FHIT: variants seen among roughly 807,000 people sequenced by gnomAD.
FHIT encodes fragile histidine triad diadenosine triphosphatase, also known as bis(5'-adenosyl)-triphosphatase.
Under a neutral mutation model 17.9 loss-of-function variants are expected in FHIT, and 19 were observed. That is an observed-to-expected ratio of 1.06 (90% CI 0.74 to 1.56). FHIT has a LOEUF of 1.56. Among genes scored for constraint, FHIT ranks in the 40% most tolerant of loss-of-function variants. FHIT has a pLI of 0.00. For missense variants in FHIT, 248 were observed against 189.2 expected, an observed-to-expected ratio of 1.31 and a Z score of -1.82; for synonymous variants, 81 against 69.7, an observed-to-expected ratio of 1.16 and a Z score of -0.81.
At chr3:60,199,879 T>C (rs959282952) in intron 5 of FHIT, among the ~76,000 whole-genome samples, 1 of 152,110 alleles carries the variant, frequency 6.6e-6, no homozygotes, top group East Asian at 1.9e-4. Flanking sequence ...GTGTCAAACA[T>C]AGGGGACTAA....
rs1049402538 is a variant in FHIT at position 60,927,247 on chromosome 3, C to T, written c.-110-105236G>A. On this transcript the variant is annotated intron_variant, in intron 3 of 9. Transcript: ENST00000492590. Reference sequence around the variant, plus strand: ...AGCTCCTGACCTCCAGTGATCTGCCCGCCTCGGCCTCCCGAGGTGCCGGGA... The same window carrying T: ...AGCTCCTGACCTCCAGTGATCTGCCTGCCTCGGCCTCCCGAGGTGCCGGGA... Among the ~76,000 whole-genome samples, 4 of 152,188 alleles carry T rather than the reference C, an allele frequency of 2.6e-5. No individual in the cohort carries two copies. The South Asian group carries it at 8.3e-4, about 32-fold the overall frequency.
At chr3:60,837,676 G>A (rs1483529872) in intron 3 of FHIT, among the ~76,000 whole-genome samples, 1 of 151,782 alleles carries the variant, frequency 6.6e-6, no homozygotes, top group East Asian at 1.9e-4. Flanking sequence ...TTCTCTTTGT[G>A]GTTTTCTGTT....
chr3:60,341,523 C>T (rs189078187), intron 5 of FHIT, among the ~76,000 whole-genome samples: 207 of 152,108 alleles, frequency 1.4e-3, no homozygotes, highest in Non-Finnish European at 2.5e-3. Context: ...CTTTTTACTG[C>T]GTTCTAAGCT....
At chr3:59,936,898 C>T (rs926005660) in intron 7 of FHIT, among the ~76,000 whole-genome samples, 1 of 152,176 alleles carries the variant, frequency 6.6e-6, no homozygotes, top group African/African-American at 2.4e-5. Flanking sequence ...CCATGAAGGA[C>T]AAGCTTGTGC....
chr3:60,136,695 T>C (rs1001057599), intron 5 of FHIT, among the ~76,000 whole-genome samples: 1 of 152,176 alleles, frequency 6.6e-6, no homozygotes, highest in African/African-American at 2.4e-5. Flanking sequence ...CCCGCAGATG[T>C]AACATGCAGT....
intron 8 of FHIT, among the ~76,000 whole-genome samples, chr3:59,908,680 T>G (rs546146831): frequency 6.6e-6 from 1 of 151,782 alleles, no homozygotes; most frequent in Non-Finnish European, 1.5e-5. Flanking sequence ...GAATACAGAA[T>G]CTGAATTGAG....
intron 5 of FHIT, among the ~76,000 whole-genome samples, chr3:60,455,917 G>A (rs981004740): frequency 6.6e-6 from 1 of 152,142 alleles, no homozygotes; most frequent in Non-Finnish European, 1.5e-5. Flanking sequence ...AGAAAAATAT[G>A]TTCACCAAAT....
chr3:60,600,786 A>G (rs1473768898), intron 4 of FHIT, among the ~76,000 whole-genome samples: 2 of 152,194 alleles, frequency 1.3e-5, no homozygotes, highest in African/African-American at 2.4e-5. Context: ...AAGCTCCTAC[A>G]TGTCCTTTTG....
At chr3:60,363,054 T>G (rs182366788) in intron 5 of FHIT, among the ~76,000 whole-genome samples, 1 of 152,100 alleles carries the variant, frequency 6.6e-6, no homozygotes, top group African/African-American at 2.4e-5. Flanking sequence ...TTATAGGAGC[T>G]GAATGAGAGA....
At chr3:61,098,574 T>A (rs889545084) in intron 2 of FHIT, among the ~76,000 whole-genome samples, 1 of 152,260 alleles carries the variant, frequency 6.6e-6, no homozygotes, top group African/African-American at 2.4e-5. Flanking sequence ...TTATTCTTCC[T>A]ATCCATGAGC....
chr3:59,860,426 G>A (rs1432422240), intron 8 of FHIT, among the ~76,000 whole-genome samples: 2 of 152,180 alleles, frequency 1.3e-5, no homozygotes, highest in African/African-American at 4.8e-5. Context: ...AGTTGCCATA[G>A]GGAATGGAAC....
intron 5 of FHIT, among the ~76,000 whole-genome samples, chr3:60,244,679 G>A (rs1705302622): frequency 6.6e-6 from 1 of 152,068 alleles, no homozygotes; most frequent in African/African-American, 2.4e-5. Context: ...GTTCTGAATT[G>A]TGCTCAACAG....
rs11317328 is a variant in FHIT, at chr3:60,094,438, G to GA, written c.104-80287dup. 3.8e-3 allele frequency among the ~76,000 whole-genome samples: 561 copies of GA among 149,390 alleles called. 3 individuals carry two copies. Among genetic ancestry groups the GA allele is most frequent in the African/African-American group, 0.013 (518 of 40,930 alleles). ...CCGGCACCTATTTTTGTATCACCTG[G>GA]AAAAAAAAAATGCCCACATAGGCAA... On this transcript the variant is annotated intron_variant, in intron 5 of 9. Coordinates refer to ENST00000492590, the MANE Select transcript of FHIT (RefSeq NM_002012.4).
chr3:60,335,554 T>C (rs2106873471), intron 5 of FHIT, among the ~76,000 whole-genome samples: 2 of 152,180 alleles, frequency 1.3e-5, no homozygotes, highest in East Asian at 3.9e-4. Context: ...ATCTACAGTG[T>C]ATGCGGTTCA....
intron 4 of FHIT, among the ~76,000 whole-genome samples, chr3:60,628,445 T>C (rs1326309296): frequency 1.3e-5 from 2 of 152,236 alleles, no homozygotes; most frequent in Non-Finnish European, 2.9e-5. Flanking sequence ...TTCTGTTGTC[T>C]GCCTCAATTG....
At chr3:60,584,554 C>G (rs1319738020) in intron 4 of FHIT, among the ~76,000 whole-genome samples, 1 of 151,984 alleles carries the variant, frequency 6.6e-6, no homozygotes, top group Admixed American at 6.6e-5. Context: ...AATGCATTCC[C>G]CTTTTATATT....
At chr3:60,663,706 A>G (rs1553691753) in intron 4 of FHIT, among the ~76,000 whole-genome samples, 2 of 152,132 alleles carry the variant, frequency 1.3e-5, no homozygotes, top group African/African-American at 4.8e-5. Context: ...GGCATGAGCC[A>G]CTGCACCCGG....
intron 4 of FHIT, among the ~76,000 whole-genome samples, chr3:60,623,269 A>C (rs2039185662): frequency 6.6e-6 from 1 of 152,196 alleles, no homozygotes; most frequent in Admixed American, 6.5e-5. Context: ...CACTGCAAGC[A>C]CAAGATCTTG....
rs1559653426 is a variant in FHIT, at chr3:60,123,989, TATATATATATATATATATATAGAGAGAG to T, written c.104-109865_104-109838del. On this transcript the variant is annotated intron_variant, in intron 5 of 9. Coordinates refer to ENST00000492590, the MANE Select transcript of FHIT (RefSeq NM_002012.4). ...AAAAATATATATATATATATATATA[TATATATATATATATATATATAGAGAGAG>T]AGAGAGAGAGAGAGAGAGAGAGAGA... Among the ~76,000 whole-genome samples, 311 of 50,078 alleles carry T rather than the reference TATATATATATATATATATATAGAGAGAG, an allele frequency of 6.2e-3. 2 individuals are homozygous for T. The highest frequency in any genetic ancestry group is 0.011 in the South Asian group (16 of 1,418). 32.9% of individuals were successfully genotyped at this position (50,078 alleles called of 152,430 possible). A position where few individuals can be genotyped will look rare whatever the true frequency, so the allele number is the denominator to read the frequency against.
Sources: gnomAD v4.1 joint callset for allele counts (sites outside exome capture counted in the v4.1 genomes callset) on GRCh38, gnomAD v4.1.1 for gene constraint, MANE v1.5 for transcripts, NCBI Gene and HGNC (gene_info 2026-07-23, HGNC 2026-07-21) for gene names.